GRID1: variants seen among roughly 807,000 people sequenced by gnomAD.
GRID1 encodes glutamate receptor ionotropic, delta-1.
A neutral mutation model predicts 98.0 loss-of-function variants in GRID1; 28 were observed. The ratio of observed to expected loss-of-function variants is 0.29; its 90% CI spans 0.21 to 0.39. GRID1 has a LOEUF of 0.39. GRID1 is among the 10% of genes least tolerant of loss of function. The probability of loss-of-function intolerance (pLI) is 1.00; values close to 1 mark genes in which losing one functional copy is unlikely to be tolerated. For synonymous variants in GRID1, 553 were observed against 538.5 expected (o/e 1.03, Z -0.37); for missense variants, 1,111 against 1,340.5 (o/e 0.83, Z 2.67).
At chr10:86,143,237 G>A (rs986941888) in intron 3 of GRID1, among the ~76,000 whole-genome samples, 12 of 152,286 alleles carry the variant, frequency 7.9e-5, no homozygotes, top group Middle Eastern at 3.4e-3. Flanking sequence ...TGCACTTGGG[G>A]TGGGGCTGGA....
At chr10:86,051,974 T>C (rs1013755678) in intron 4 of GRID1, among the ~76,000 whole-genome samples, 1 of 152,232 alleles carries the variant, frequency 6.6e-6, no homozygotes, top group African/African-American at 2.4e-5. Flanking sequence ...AAATGCAAAC[T>C]GACCTAATTG....
chr10:86,309,649 T>G (rs1226498057), intron 2 of GRID1, among the ~76,000 whole-genome samples: 1 of 152,188 alleles, frequency 6.6e-6, no homozygotes, highest in Admixed American at 6.5e-5. Context: ...GTTCTCCCAG[T>G]GATCTTTATG....
intron 4 of GRID1, among the ~76,000 whole-genome samples, chr10:86,051,286 C>T (rs954057242): frequency 4.2e-5 from 6 of 143,022 alleles, no homozygotes; most frequent in African/African-American, 1.3e-4. Flanking sequence ...TTCCAATAAA[C>T]GGGATTTAGA....
chr10:85,893,830 T>A (rs564656424), intron 5 of GRID1, among the ~76,000 whole-genome samples: 14 of 152,348 alleles, frequency 9.2e-5, no homozygotes, highest in African/African-American at 3.4e-4. Context: ...AGGATTTTTC[T>A]AGAAACTGAC....
rs900585158 is a variant in GRID1 at position 86,232,633 on chromosome 10, G to A, written c.236-25985C>T. ...AAGTAGAGAAATCTAGAGTACAAAT[G>A]CCCATTTTTAAGTTTTTCTCAAAGA... On this transcript the variant is annotated intron_variant, in intron 2 of 15. Transcript: ENST00000327946. 1.8e-4 allele frequency among the ~76,000 whole-genome samples: 28 copies of A among 152,338 alleles called. 1 individual carries two copies. In the Middle Eastern group the frequency reaches 0.014, roughly 74 times the overall value.
At chr10:85,783,905 G>C (rs1842402859) in intron 8 of GRID1, among the ~76,000 whole-genome samples, 2 of 152,166 alleles carry the variant, frequency 1.3e-5, no homozygotes, top group African/African-American at 4.8e-5. Flanking sequence ...CCACTCCCAG[G>C]ATGCTGCATG....
chr10:85,808,489 G>A (rs1393520828), intron 8 of GRID1, among the ~76,000 whole-genome samples: 1 of 152,138 alleles, frequency 6.6e-6, no homozygotes, highest in Non-Finnish European at 1.5e-5. Context: ...CTAGGAAAAT[G>A]GAGAAATTAG....
chr10:85,842,300 A>G (rs1041527538), intron 8 of GRID1, among the ~76,000 whole-genome samples: 3 of 151,972 alleles, frequency 2.0e-5, no homozygotes, highest in Non-Finnish European at 2.9e-5. Context: ...ATGGAAACAC[A>G]CACTGAGGCC....
At chr10:86,250,955 T>C (rs1252944046) in intron 2 of GRID1, among the ~76,000 whole-genome samples, 1 of 152,234 alleles carries the variant, frequency 6.6e-6, no homozygotes, top group Non-Finnish European at 1.5e-5. Context: ...TGTGTCTGTG[T>C]AGAAAGAAGT....
intron 4 of GRID1, among the ~76,000 whole-genome samples, chr10:85,945,926 T>G (rs1589308659): frequency 2.0e-5 from 3 of 152,354 alleles, no homozygotes; most frequent in Middle Eastern, 3.4e-3. Flanking sequence ...TTCAAAATGC[T>G]CTCTTGAACC....
intron 13 of GRID1, among the ~76,000 whole-genome samples, chr10:85,629,863 C>T (rs1448843517): frequency 6.6e-6 from 1 of 152,194 alleles, no homozygotes; most frequent in Non-Finnish European, 1.5e-5. Flanking sequence ...TGCATCCTCA[C>T]TAACATCTGT....
intron 2 of GRID1, among the ~76,000 whole-genome samples, chr10:86,338,297 T>G (rs1463213359): frequency 6.6e-6 from 1 of 152,070 alleles, no homozygotes. Flanking sequence ...AAGACCTCTT[T>G]CCCCTCGAGT....
intron 12 of GRID1, among the ~76,000 whole-genome samples, chr10:85,665,318 G>T (rs1841007124): frequency 6.6e-6 from 1 of 152,130 alleles, no homozygotes; most frequent in Non-Finnish European, 1.5e-5. Context: ...CCTCTAAAGA[G>T]CTACCCTGGT....
intron 3 of GRID1, among the ~76,000 whole-genome samples, chr10:86,183,326 T>G (rs2132002863): frequency 6.7e-6 from 1 of 150,252 alleles, no homozygotes; most frequent in African/African-American, 2.5e-5. Context: ...TTTTATCATA[T>G]AAATATACCA....
intron 4 of GRID1, among the ~76,000 whole-genome samples, chr10:86,102,963 T>C (rs1180975279): frequency 1.3e-5 from 2 of 152,122 alleles, no homozygotes; most frequent in East Asian, 3.9e-4. Flanking sequence ...ACAATTCCCC[T>C]GCAGACGTTC....
At chr10:85,839,926 A>G (rs1842946628) in intron 8 of GRID1, among the ~76,000 whole-genome samples, 1 of 152,202 alleles carries the variant, frequency 6.6e-6, no homozygotes, top group Non-Finnish European at 1.5e-5. Flanking sequence ...GCAGCATATT[A>G]CCATTGACTC....
intron 4 of GRID1, among the ~76,000 whole-genome samples, chr10:86,070,776 T>A (rs1843792316): frequency 6.6e-6 from 1 of 152,254 alleles, no homozygotes; most frequent in Non-Finnish European, 1.5e-5. Flanking sequence ...TTCCAGGCAC[T>A]GAGCTAGGCC....
At chr10:86,284,774 T>C (rs1206839290) in intron 2 of GRID1, among the ~76,000 whole-genome samples, 1 of 152,070 alleles carries the variant, frequency 6.6e-6, no homozygotes, top group Non-Finnish European at 1.5e-5. Flanking sequence ...GGAGCCAAAA[T>C]CCCAGGTCAG....
intron 2 of GRID1, among the ~76,000 whole-genome samples, chr10:86,357,707 C>T (rs897343727): frequency 4.6e-5 from 7 of 152,214 alleles, no homozygotes; most frequent in Non-Finnish European, 8.8e-5. Context: ...AGAACCCTGA[C>T]ACCTGTGAGT....
Sources: allele counts gnomAD v4.1 joint callset (sites outside exome capture counted in the v4.1 genomes callset), GRCh38; gene constraint gnomAD v4.1.1; transcripts MANE v1.5; gene names NCBI Gene and HGNC (gene_info 2026-07-23, HGNC 2026-07-21).